The following HDAC9 variants were observed in gnomAD, a reference collection of about 807,000 sequenced individuals.
HDAC9 encodes the protein MEF-2 interacting transcription repressor (MITR) protein.
A neutral mutation model predicts 139.4 loss-of-function variants in HDAC9; 41 were observed. The observed-to-expected ratio is 0.29, with a 90% CI of 0.23 to 0.38. The LOEUF (loss-of-function observed/expected upper bound fraction) is 0.38, where lower values mean the gene tolerates loss of function less well. HDAC9 is among the 10% of genes least tolerant of loss of function. The probability of loss-of-function intolerance (pLI) is 1.00; values close to 1 mark genes in which losing one functional copy is unlikely to be tolerated. For synonymous variants in HDAC9, 517 were observed against 476.2 expected, an observed-to-expected ratio of 1.09 and a Z score of -1.12; for missense variants, 1,147 against 1,297.0, an observed-to-expected ratio of 0.88 and a Z score of 1.78.
intron 11 of HDAC9, 82 bp downstream of exon 11, chr7:18,648,765 G>C (rs1008160080): frequency 8.2e-7 from 1 of 1,217,524 alleles, no homozygotes; most frequent in Non-Finnish European, 1.2e-6. Context: ...GTGTCTAAGA[G>C]GAATGTTGAT....
upstream of HDAC9, among the ~76,000 whole-genome samples, chr7:18,495,220 A>C (rs1330963615): frequency 6.6e-6 from 1 of 152,102 alleles, no homozygotes; most frequent in Non-Finnish European, 1.5e-5. Flanking sequence ...AGAAACAGGC[A>C]ACAAAAATAG....
At chr7:18,371,671 C>T (rs1784604693) in intron 1 of HDAC9, among the ~76,000 whole-genome samples, 1 of 152,144 alleles carries the variant, frequency 6.6e-6, no homozygotes. Flanking sequence ...CACAGCTATC[C>T]ATTCTCTTTT....
intron 1 of HDAC9, among the ~76,000 whole-genome samples, chr7:18,389,690 C>T (rs545885810): frequency 2.6e-5 from 4 of 152,172 alleles, no homozygotes; most frequent in African/African-American, 4.8e-5. Context: ...CAAGTATATG[C>T]ATAAGCAAAA....
chr7:18,254,367 A>G (rs1795105174), intron 2 of HDAC9, among the ~76,000 whole-genome samples: 2 of 152,218 alleles, frequency 1.3e-5, no homozygotes, highest in South Asian at 4.1e-4. Flanking sequence ...CCTTGTATGA[A>G]TAGTGGACAT....
At chr7:18,287,055 C>T (rs1797497661), upstream of HDAC9, among the ~76,000 whole-genome samples, 1 of 152,120 alleles carries the variant, frequency 6.6e-6, no homozygotes, top group Non-Finnish European at 1.5e-5. Context: ...TGATCTTTAA[C>T]TAGTGCTTCA....
chr7:18,986,252 G>C (rs1272421333), intron 25 of HDAC9, among the ~76,000 whole-genome samples: 1 of 7,862 alleles, frequency 1.3e-4, no homozygotes, highest in Non-Finnish European at 3.2e-4. Context: ...TTTGTATAAG[G>C]TGTAAGGAAG....
intron 6 of HDAC9, among the ~76,000 whole-genome samples, chr7:18,612,620 G>A (rs562981663): frequency 8.2e-4 from 125 of 151,582 alleles, no homozygotes; most frequent in African/African-American, 2.9e-3. Flanking sequence ...GGCAGGAAGA[G>A]GAATAAAATG....
At chr7:18,566,847 G>A (rs1216098812) in intron 2 of HDAC9, among the ~76,000 whole-genome samples, 1 of 152,162 alleles carries the variant, frequency 6.6e-6, no homozygotes, top group Non-Finnish European at 1.5e-5. Flanking sequence ...AACGAGTTTG[G>A]TAAAGCATTT....
At chr7:18,110,778 C>T (rs904347226) in intron 1 of HDAC9, among the ~76,000 whole-genome samples, 4 of 152,268 alleles carry the variant, frequency 2.6e-5, no homozygotes, top group African/African-American at 9.6e-5. Context: ...GAGGCTATTA[C>T]AGCGGTCCAG....
chr7:18,416,444 C>G (rs1789074218), intron 1 of HDAC9, among the ~76,000 whole-genome samples: 1 of 151,962 alleles, frequency 6.6e-6, no homozygotes, highest in African/African-American at 2.4e-5. Context: ...GTATTACCTC[C>G]TCTTCATTTT....
intron 2 of HDAC9, among the ~76,000 whole-genome samples, chr7:18,257,937 T>TGCA (rs1446397067): frequency 6.6e-6 from 1 of 152,190 alleles, no homozygotes; most frequent in Non-Finnish European, 1.5e-5. Context: ...CAGTTCACAC[T>TGCA]GCAGCATCAT....
chr7:18,563,251 A>G (rs1821163316), intron 2 of HDAC9, among the ~76,000 whole-genome samples: 1 of 152,198 alleles, frequency 6.6e-6, no homozygotes, highest in Admixed American at 6.5e-5. Flanking sequence ...GTGATTTTTA[A>G]AAACGGATTT....
At chr7:18,145,386 A>T (rs887699492) in intron 1 of HDAC9, among the ~76,000 whole-genome samples, 75 of 152,302 alleles carry the variant, frequency 4.9e-4, no homozygotes, top group African/African-American at 1.7e-3. Flanking sequence ...TTTCAAGTTG[A>T]CTGAGCTGGT....
intron 1 of HDAC9, among the ~76,000 whole-genome samples, chr7:18,133,932 G>GCACACACACACACACGCA (rs139875314): frequency 6.9e-6 from 1 of 145,828 alleles, no homozygotes; most frequent in African/African-American, 2.6e-5. Context: ...ATACACGCGT[G>GCACACACACACACACGCA]CACACACACA....
chr7:18,435,244 G>C (rs1791079944), intron 1 of HDAC9, among the ~76,000 whole-genome samples: 1 of 151,800 alleles, frequency 6.6e-6, no homozygotes, highest in South Asian at 2.1e-4. Flanking sequence ...ATAGACAGTG[G>C]GGCCTACGTG....
intron 2 of HDAC9, among the ~76,000 whole-genome samples, chr7:18,518,381 T>G (rs920902542): frequency 6.6e-6 from 1 of 152,218 alleles, no homozygotes; most frequent in African/African-American, 2.4e-5. Flanking sequence ...TGTGTACATA[T>G]GCATTTTTGG....
At chr7:18,969,692 G>A (rs73307058) in intron 24 of HDAC9, among the ~76,000 whole-genome samples, 50,168 of 151,830 alleles carry the variant, frequency 0.33, 8,687 homozygotes, top group South Asian at 0.48. Flanking sequence ...AAAAAATACA[G>A]CATTTGATAT....
chr7:18,499,730 CA>C (rs1288928435), intron 2 of HDAC9, among the ~76,000 whole-genome samples: 1 of 152,124 alleles, frequency 6.6e-6, no homozygotes, highest in Non-Finnish European at 1.5e-5. Flanking sequence ...GATATATTTA[CA>C]ATAAGGAAAG....
chr7:18,536,479 A>G lies in HDAC9; in HGVS notation c.22+40155A>G, dbSNP rs547842422. ...TCAACAGGACATTATTATATGTACAAAAAGTGAAATATTTAATTTTCAGGA... is the reference window on the plus strand; with the variant it reads ...TCAACAGGACATTATTATATGTACAGAAAGTGAAATATTTAATTTTCAGGA... On this transcript the variant is annotated intron_variant, in intron 2 of 25. Coordinates refer to ENST00000686413, the MANE Select transcript of HDAC9 (RefSeq NM_178425.4). Among the ~76,000 whole-genome samples the G allele has an allele frequency of 2.6e-4, 39 of 152,356 alleles. 1 individual carries two copies. The South Asian group carries it at 7.9e-3, about 31-fold the overall frequency.
Sources: allele counts gnomAD v4.1 joint callset (sites outside exome capture counted in the v4.1 genomes callset), GRCh38; gene constraint gnomAD v4.1.1; transcripts MANE v1.5; gene names NCBI Gene and HGNC (gene_info 2026-07-23, HGNC 2026-07-21).